Variants in TXNRD3 observed in about 807,000 individuals in gnomAD.
The protein encoded by TXNRD3 is TXNRD3 neighbor gene protein.
TXNRD3 carries 68 observed loss-of-function variants against 78.2 expected under a neutral mutation model. That is an observed-to-expected ratio of 0.87 (90% CI 0.72 to 1.06). TXNRD3 has a LOEUF of 1.06. Ranked by LOEUF, TXNRD3 falls within the 50% of genes least tolerant of loss-of-function variation. The pLI is 0.00. For synonymous variants in TXNRD3, 296 were observed against 300.1 expected (o/e 0.99, Z 0.14); for missense variants, 751 against 809.5 (o/e 0.93, Z 0.88).
chr3:126,650,618 G>A (rs1933365762), intron 1 of TXNRD3, among the ~76,000 whole-genome samples: 1 of 151,552 alleles, frequency 6.6e-6, no homozygotes, highest in Non-Finnish European at 1.5e-5. Flanking sequence ...TCCAGCCTGG[G>A]CAACAGAGCA....
At chr3:126,636,178 T>C (rs1369344932) in intron 6 of TXNRD3, among the ~76,000 whole-genome samples, 1 of 152,188 alleles carries the variant, frequency 6.6e-6, no homozygotes, top group Non-Finnish European at 1.5e-5. Flanking sequence ...TCTCAAGCAA[T>C]TTTCCTGCCA....
At chr3:126,638,562 C>T (rs1197824392) in intron 6 of TXNRD3, among the ~76,000 whole-genome samples, 1 of 151,988 alleles carries the variant, frequency 6.6e-6, no homozygotes, top group Non-Finnish European at 1.5e-5. Context: ...GGTGAAACCC[C>T]GTCTCCACTA....
At chr3:126,642,860 A>G (rs1245808405) in intron 5 of TXNRD3, among the ~76,000 whole-genome samples, 1 of 152,234 alleles carries the variant, frequency 6.6e-6, no homozygotes, top group Non-Finnish European at 1.5e-5. Flanking sequence ...ACTTTATGTG[A>G]AAAAAATCTG....
Position 126,619,470 on chromosome 3 carries a change from T to C in TXNRD3, c.1524+2272A>G, listed in dbSNP as rs141862045. 1.4e-3 allele frequency among the ~76,000 whole-genome samples: 213 copies of C among 152,218 alleles called. 1 individual carries two copies. The highest frequency in any genetic ancestry group is 2.3e-3 in the Non-Finnish European group (155 of 68,000). The stretch of plus-strand genomic sequence containing the variant: ...AATAAGTTGGGCACAGAAAGACAAA[T>C]ACTGCATGTTCTCACTCATATGTGG... On this transcript the variant is annotated intron_variant, in intron 12 of 15. Coordinates refer to ENST00000524230, the MANE Select transcript of TXNRD3 (RefSeq NM_052883.3).
intron 6 of TXNRD3, among the ~76,000 whole-genome samples, chr3:126,634,557 C>T (rs937489501): frequency 6.6e-6 from 1 of 152,168 alleles, no homozygotes; most frequent in Non-Finnish European, 1.5e-5. Context: ...ATGGTTCACG[C>T]TCACCACTGC....
chr3:126,632,532 T>C lies in TXNRD3; in HGVS notation c.856-653A>G, dbSNP rs912698402. On this transcript the variant is annotated intron_variant, in intron 7 of 15. Transcript: ENST00000524230. ...AAAATTAGCTGGGCATGGTGGTATA[T>C]GCCTGCAATCCCAGCTACTTGGGAG... Among the ~76,000 whole-genome samples the C allele has an allele frequency of 5.1e-4, 77 of 151,790 alleles. 2 individuals carry two copies. Among genetic ancestry groups the C allele is most frequent in the Admixed American group, 5.0e-3 (77 of 15,250 alleles).
At chr3:126,647,446 T>C (rs1933267149) in intron 1 of TXNRD3, 150 bp from the exon 2 acceptor site, 2 of 627,806 alleles carry the variant, frequency 3.2e-6, no homozygotes, top group Non-Finnish European at 5.5e-6. Context: ...TTTTGATTTT[T>C]TCCTTTCCTC....
intron 6 of TXNRD3, among the ~76,000 whole-genome samples, chr3:126,638,012 C>T (rs55678784): frequency 0.014 from 1,775 of 125,058 alleles, 24 homozygotes; most frequent in South Asian, 0.03. Flanking sequence ...GGCATGATCT[C>T]GGCTCACTGC....
chr3:126,634,113 T>C, intron 6 of TXNRD3, 62 bp from the exon 7 acceptor site: 2 of 1,362,964 alleles, frequency 1.5e-6, no homozygotes, highest in South Asian at 2.0e-5. Context: ...GTAAATTACA[T>C]ATAACCACAC....
At chr3:126,608,819 A>G (rs141831911) in intron 14 of TXNRD3, among the ~76,000 whole-genome samples, 186 bp from the exon 15 acceptor site, 2 of 152,350 alleles carry the variant, frequency 1.3e-5, no homozygotes, top group East Asian at 3.9e-4. Flanking sequence ...ATGAGCCAGT[A>G]AATGCACATC....
In TXNRD3 at chr3:126,633,262, G is replaced by A. The variant is rs1434474142; in HGVS notation, c.855+647C>T. Reference sequence around the variant, plus strand: ...TGCTGAAAATAAGCATTGAAGGGCAGCTTTAAATGGACCATACCTCACACA... The same window carrying A: ...TGCTGAAAATAAGCATTGAAGGGCAACTTTAAATGGACCATACCTCACACA... On this transcript the variant is annotated intron_variant, in intron 7 of 15. Coordinates refer to ENST00000524230, the MANE Select transcript of TXNRD3 (RefSeq NM_052883.3). Among the ~76,000 whole-genome samples, 3 of 152,146 alleles carry A rather than the reference G, an allele frequency of 2.0e-5. No individual in the cohort carries two copies. The South Asian group carries it at 6.2e-4, about 31-fold the overall frequency.
chr3:126,651,453 A>T (rs537872535), intron 1 of TXNRD3, among the ~76,000 whole-genome samples: 1 of 152,350 alleles, frequency 6.6e-6, no homozygotes, highest in South Asian at 2.1e-4. Context: ...GAAAATGTTA[A>T]CACATACAGA....
intron 1 of TXNRD3, among the ~76,000 whole-genome samples, chr3:126,652,958 G>C (rs1434146224): frequency 6.6e-6 from 1 of 152,202 alleles, no homozygotes; most frequent in Non-Finnish European, 1.5e-5. Context: ...AGTGGCACGA[G>C]GTGCTCCTTA....
rs1325138968 is a variant in TXNRD3, at chr3:126,608,648, CA to C, written c.1729-16del. 3 of 1,529,822 alleles carry C rather than the reference CA, an allele frequency of 2.0e-6. No homozygotes were observed. The highest frequency in any genetic ancestry group is 2.6e-6 in the Non-Finnish European group (3 of 1,144,466). The allele number at this position is 1,529,822 out of a possible 1,614,324, so 94.8% of individuals were successfully genotyped here. On this transcript the variant is annotated splice_polypyrimidine_tract_variant and intron_variant, in intron 14 of 15. Coordinates refer to ENST00000524230, the MANE Select transcript of TXNRD3 (RefSeq NM_052883.3). Reference sequence around the variant, plus strand: ...ATCACCCGATCCTTTAATACAGAAACAAAACAAAGAGAATCCCAGTAGGTTA... The same window carrying C: ...ATCACCCGATCCTTTAATACAGAAACAAACAAAGAGAATCCCAGTAGGTTA...
chr3:126,608,463 A>G, intron 15 of TXNRD3, 36 bp downstream of exon 15: 1 of 1,505,880 alleles, frequency 6.6e-7, no homozygotes, highest in Non-Finnish European at 8.8e-7. Context: ...AAACTACATC[A>G]ACTGAAGCCA....
intron 5 of TXNRD3, 50 bp from the exon 6 acceptor site, chr3:126,642,201 C>T (rs1481626170): frequency 1.3e-6 from 2 of 1,495,740 alleles, no homozygotes; most frequent in Admixed American, 2.3e-5. Flanking sequence ...TAGTTTCACA[C>T]ATCTGCAATC....
intron 13 of TXNRD3, among the ~76,000 whole-genome samples, chr3:126,614,643 G>A (rs1221889650): frequency 6.6e-6 from 1 of 152,116 alleles, no homozygotes. Context: ...CCCAGCACCA[G>A]AAATTTAAAT....
At chr3:126,626,261 A>G (rs374439281) in intron 10 of TXNRD3, among the ~76,000 whole-genome samples, 22 of 152,246 alleles carry the variant, frequency 1.4e-4, no homozygotes, top group African/African-American at 5.3e-4. Context: ...CTTAGAGCAC[A>G]CAGAAAGCAT....
Position 126,655,017 on chromosome 3 carries a change from C to A in TXNRD3, c.-27G>T, listed in dbSNP as rs1033133102. On this transcript the variant is annotated 5_prime_UTR_variant, in exon 1 of 16. Transcript: ENST00000524230. ...GTCTCGCTCTCGCTCCTGGCCCGGC[C>A]GGGCCTGCTCACAAACCGAAACGCA... 4.3e-5 allele frequency: 56 copies of A among 1,294,210 alleles called. No homozygotes were observed. The highest frequency in any genetic ancestry group is 1.6e-5 in the Non-Finnish European group (16 of 1,023,158). The allele number at this position is 1,294,210 out of a possible 1,614,324, so 80.2% of individuals were successfully genotyped here. A position where few individuals can be genotyped will look rare whatever the true frequency, so the allele number is the denominator to read the frequency against.
Sources: allele counts gnomAD v4.1 joint callset (sites outside exome capture counted in the v4.1 genomes callset), GRCh38; gene constraint gnomAD v4.1.1; transcripts MANE v1.5; gene names NCBI Gene and HGNC (gene_info 2026-07-23, HGNC 2026-07-21).